BIN2: variants seen among roughly 807,000 people sequenced by gnomAD.
BIN2 encodes bridging integrator 2.
A neutral mutation model predicts 67.9 loss-of-function variants in BIN2; 43 were observed. That is an observed-to-expected ratio of 0.63 (90% CI 0.50 to 0.82). The LOEUF (loss-of-function observed/expected upper bound fraction) is 0.82. BIN2 is among the 40% of genes least tolerant of loss of function. The pLI, the probability that BIN2 is intolerant of heterozygous loss-of-function variation, is 0.00. For synonymous variants in BIN2, 244 were observed against 246.8 expected, an observed-to-expected ratio of 0.99 and a Z score of 0.11; for missense variants, 581 against 671.6, an observed-to-expected ratio of 0.87 and a Z score of 1.49.
chr12:51,282,106 G>A (rs1945131405), intron 12 of BIN2, among the ~76,000 whole-genome samples: 1 of 152,034 alleles, frequency 6.6e-6, no homozygotes. Flanking sequence ...TAGAAAGTCT[G>A]GAACCAATTT....
chr12:51,313,721 G>T, intron 2 of BIN2, 102 bp downstream of exon 2: 1 of 1,065,986 alleles, frequency 9.4e-7, no homozygotes, highest in Non-Finnish European at 1.4e-6. Flanking sequence ...GGGTGGCTTG[G>T]TGGAGATGTT....
At chr12:51,321,683 G>A (rs1946287799) in intron 1 of BIN2, among the ~76,000 whole-genome samples, 1 of 152,206 alleles carries the variant, frequency 6.6e-6, no homozygotes, top group South Asian at 2.1e-4. Flanking sequence ...ACAGGCGTGA[G>A]CCACTGCACC....
Position 51,324,036 on chromosome 12 carries a change from T to G in BIN2, c.67A>C (p.Arg23=), listed in dbSNP as rs1370820906. 1.9e-6 allele frequency: 3 copies of G among 1,613,480 alleles called. No homozygotes were observed. The highest frequency in any genetic ancestry group is 2.5e-6 in the Non-Finnish European group (3 of 1,179,656). Reference sequence around the variant, plus strand: ...CGGCCACCTACCTTCTCCTGGGCCCTGCTAAACTTCTTCTGCACCTGCTTG... The same window carrying G: ...CGGCCACCTACCTTCTCCTGGGCCCGGCTAAACTTCTTCTGCACCTGCTTG... ...FAKQVQKKFS[R]AQEKVLQKLG... The change falls in exon 1 of 13, where the codon AGG becomes CGG. Residue 23 remains arginine, a synonymous_variant. Coordinates refer to ENST00000615107, the MANE Select transcript of BIN2 (RefSeq NM_016293.4).
intron 4 of BIN2, 141 bp downstream of exon 4, chr12:51,302,545 C>T: frequency 1.4e-6 from 1 of 717,222 alleles, no homozygotes; most frequent in Non-Finnish European, 2.4e-6. Flanking sequence ...CTTCCTACCA[C>T]CCAGTGACTG....
intron 9 of BIN2, 81 bp from the exon 10 acceptor site, chr12:51,292,425 TA>T (rs1181098172): frequency 3.6e-5 from 48 of 1,315,416 alleles, no homozygotes; most frequent in Admixed American, 9.9e-5. Context: ...ATGCATGTAA[TA>T]AAAAAAAGAA....
intron 8 of BIN2, 22 bp downstream of exon 8, chr12:51,297,067 C>T (rs776152374): frequency 6.2e-7 from 1 of 1,600,424 alleles, no homozygotes; most frequent in Non-Finnish European, 8.6e-7. Flanking sequence ...CTAGGAGCCT[C>T]AATTGGCCAG....
Position 51,309,279 on chromosome 12 carries a change from C to CTTG in BIN2, c.162+4541_162+4543dup, listed in dbSNP as rs1454076611. Among the ~76,000 whole-genome samples, 7 of 152,202 alleles carry CTTG rather than the reference C, an allele frequency of 4.6e-5. No homozygotes were observed. In the South Asian group the frequency reaches 1.5e-3, roughly 32 times the overall value. On this transcript the variant is annotated intron_variant, in intron 2 of 12. Transcript: ENST00000615107. ...CACAAAAAGAAAAAAAATCCTTGAC[C>CTTG]TTGTCCTTTTTCCTCCTGTGTGTCT...
chr12:51,307,027 G>A (rs1219830445), intron 2 of BIN2, among the ~76,000 whole-genome samples: 1 of 152,156 alleles, frequency 6.6e-6, no homozygotes, highest in African/African-American at 2.4e-5. Context: ...ATGCACGCCT[G>A]TAATCCTAGC....
intron 10 of BIN2, among the ~76,000 whole-genome samples, chr12:51,289,418 C>T (rs1945327702): frequency 6.6e-6 from 1 of 151,882 alleles, no homozygotes. Flanking sequence ...AGTTTGAAAC[C>T]AGCCTGGGCA....
At position 51,313,909 on chromosome 12, in the gene BIN2, G is replaced by C; in HGVS notation, c.82-6C>G. On this transcript the variant is annotated splice_region_variant and splice_polypyrimidine_tract_variant and intron_variant, in intron 1 of 12. Coordinates refer to ENST00000615107, the MANE Select transcript of BIN2 (RefSeq NM_016293.4). ...TTCCCCAATTTCTGCAGCACCTAGG[G>C]ATATAAGTCAGAAAGGCCCGTAAGG... 6.2e-7 allele frequency: 1 copy of C among 1,612,636 alleles called. No homozygotes were observed. The highest frequency in any genetic ancestry group is 8.5e-7 in the Non-Finnish European group (1 of 1,178,742).
chr12:51,303,241 CT>C, intron 2 of BIN2, 100 bp from the exon 3 acceptor site: 1 of 1,168,052 alleles, frequency 8.6e-7, no homozygotes, highest in East Asian at 2.4e-5. Context: ...GAAATCACAC[CT>C]GGAATTTCTC....
At chr12:51,293,368 G>T (rs530308664) in intron 9 of BIN2, among the ~76,000 whole-genome samples, 1 of 152,170 alleles carries the variant, frequency 6.6e-6, no homozygotes, top group South Asian at 2.1e-4. Context: ...GGAGTGCAGT[G>T]GCGCGATCTC....
rs1565667892 is a variant in BIN2, at chr12:51,284,790, A to G, written c.1597-3T>C. 1 of 1,612,030 alleles carries G rather than the reference A, an allele frequency of 6.2e-7. No individual in the cohort carries two copies. The highest frequency in any genetic ancestry group is 8.5e-7 in the Non-Finnish European group (1 of 1,178,186). On this transcript the variant is annotated splice_region_variant and splice_polypyrimidine_tract_variant and intron_variant, in intron 11 of 12. Transcript: ENST00000615107. Reference sequence around the variant, plus strand: ...GAGACTTGAAGCTGGTCTTGGCCCTACAAAGAGAAGAGTTCTGCCAGTAAG... The same window carrying G: ...GAGACTTGAAGCTGGTCTTGGCCCTGCAAAGAGAAGAGTTCTGCCAGTAAG...
At chr12:51,302,382 TAA>T (rs1488353361) in intron 4 of BIN2, 3 of 529,280 alleles carry the variant, frequency 5.7e-6, no homozygotes, top group Non-Finnish European at 1.0e-5. Context: ...TGGGAAAGTT[TAA>T]GAGTGTATAA....
At chr12:51,318,017 G>A (rs1279321239) in intron 1 of BIN2, among the ~76,000 whole-genome samples, 1 of 152,072 alleles carries the variant, frequency 6.6e-6, no homozygotes, top group Non-Finnish European at 1.5e-5. Context: ...AAAGAAAAAA[G>A]AAATAGAGTA....
intron 1 of BIN2, chr12:51,322,481 T>C (rs1482291997): frequency 1.3e-5 from 2 of 152,512 alleles, no homozygotes; most frequent in African/African-American, 4.8e-5. Context: ...AGTCTTGATC[T>C]CCTGGGCTCA....
intron 1 of BIN2, among the ~76,000 whole-genome samples, chr12:51,319,987 CTT>C (rs1244020815): frequency 2.4e-4 from 18 of 75,582 alleles, no homozygotes; most frequent in Non-Finnish European, 5.1e-4. Flanking sequence ...TTCTCCCTCT[CTT>C]TCTTTCTTAC....
intron 1 of BIN2, among the ~76,000 whole-genome samples, chr12:51,315,103 C>T (rs1193147300): frequency 6.6e-6 from 1 of 152,114 alleles, no homozygotes; most frequent in African/African-American, 2.4e-5. Context: ...ATCCTGTTGC[C>T]TCAGCCTCCC....
intron 2 of BIN2, among the ~76,000 whole-genome samples, chr12:51,305,669 T>C (rs1172614062): frequency 6.6e-6 from 1 of 151,712 alleles, no homozygotes; most frequent in Non-Finnish European, 1.5e-5. Context: ...GAAAATTCTA[T>C]CTAGTGACAA....
Sources: gnomAD v4.1 joint callset for allele counts (sites outside exome capture counted in the v4.1 genomes callset) on GRCh38, gnomAD v4.1.1 for gene constraint, MANE v1.5 for transcripts, NCBI Gene and HGNC (gene_info 2026-07-23, HGNC 2026-07-21) for gene names.